The following ASNS variants were observed in gnomAD, a reference collection of about 807,000 sequenced individuals.
ASNS encodes asparagine synthetase (glutamine-hydrolyzing).
A neutral mutation model predicts 62.6 loss-of-function variants in ASNS; 37 were observed. That is an observed-to-expected ratio of 0.59 (90% CI 0.45 to 0.78). The LOEUF is 0.78. Ranked by LOEUF, ASNS falls within the 30% of genes least tolerant of loss-of-function variation. The pLI is 0.00. For synonymous variants in ASNS, 207 were observed against 237.9 expected, an observed-to-expected ratio of 0.87 and a Z score of 1.19; for missense variants, 520 against 682.4, an observed-to-expected ratio of 0.76 and a Z score of 2.65.
chr7:97,875,497 G>A (rs1489739967), upstream of ASNS, among the ~76,000 whole-genome samples: 1 of 152,206 alleles, frequency 6.6e-6, no homozygotes, highest in African/African-American at 2.4e-5. Context: ...GCATTGTGTG[G>A]TGGTCTGTTC....
At chr7:97,888,810 T>C in the ASNS span, among the ~76,000 whole-genome samples, 3 of 152,202 alleles carry the variant, frequency 2.0e-5, no homozygotes, top group Non-Finnish European at 2.9e-5. Flanking sequence ...TAGAAATGCA[T>C]AGGAATATGC....
chr7:97,883,805 T>G, the ASNS span, among the ~76,000 whole-genome samples: 49 of 149,798 alleles, frequency 3.3e-4, no homozygotes, highest in African/African-American at 7.7e-4. Context: ...CCCTAACACG[T>G]TGAAACCCCG....
the ASNS span, among the ~76,000 whole-genome samples, chr7:97,907,238 T>C: frequency 6.6e-6 from 1 of 152,350 alleles, no homozygotes; most frequent in South Asian, 2.1e-4. Context: ...TTAATAGAAT[T>C]GGTGTCTTCC....
At chr7:97,924,019 C>T in the ASNS span, among the ~76,000 whole-genome samples, 1 of 152,122 alleles carries the variant, frequency 6.6e-6, no homozygotes, top group Admixed American at 6.5e-5. Flanking sequence ...ATTGAGAAGA[C>T]ATTTCCCTAT....
intron 1 of ASNS, chr7:97,870,180 G>T: frequency 1.0e-6 from 1 of 954,712 alleles, no homozygotes; most frequent in Non-Finnish European, 1.4e-6. Flanking sequence ...TGTGGCATTT[G>T]GGCCCTGTTT....
upstream of ASNS, among the ~76,000 whole-genome samples, chr7:97,874,962 T>G (rs1308467573): frequency 2.0e-5 from 3 of 152,248 alleles, no homozygotes; most frequent in Non-Finnish European, 4.4e-5. Context: ...GTTGGCTTTG[T>G]TTGGGTTTGT....
In ASNS at chr7:97,869,214, C is replaced by A. The variant is rs150208798; in HGVS notation, c.-23-35G>T. 810 of 1,591,968 alleles carry A rather than the reference C, an allele frequency of 5.1e-4. 1 individual carries two copies. In the African/African-American group the frequency reaches 9.6e-3, roughly 19 times the overall value. On this transcript the variant is annotated intron_variant, in intron 2 of 12. Coordinates refer to ENST00000394308, the MANE Select transcript of ASNS (RefSeq NM_001673.5). ...GAAAAGCAGACAAATCAAAAATATT[C>A]AATATCCAATCCAACTCTGCATTAA...
chr7:97,883,220 A>T, the ASNS span, among the ~76,000 whole-genome samples: 1,100 of 152,068 alleles, frequency 7.2e-3, 11 homozygotes, highest in African/African-American at 0.025. Flanking sequence ...AGGGCAAAAA[A>T]AAAATTCATA....
At chr7:97,870,269 G>T in intron 1 of ASNS, 1 of 670,216 alleles carries the variant, frequency 1.5e-6, no homozygotes, top group Non-Finnish European at 2.5e-6. Context: ...ATTCCGTTTT[G>T]AGAATGTCAA....
At chr7:97,855,224 G>A in intron 9 of ASNS, 129 bp downstream of exon 9, 2 of 626,358 alleles carry the variant, frequency 3.2e-6, no homozygotes, top group South Asian at 4.8e-5. Flanking sequence ...AACACTATCA[G>A]ATTCCCTTTT....
the ASNS span, among the ~76,000 whole-genome samples, chr7:97,900,098 G>A: frequency 1.3e-5 from 2 of 152,150 alleles, no homozygotes; most frequent in African/African-American, 4.8e-5. Context: ...AGTGGCTCAA[G>A]CCTGTAATCC....
the ASNS span, among the ~76,000 whole-genome samples, chr7:97,926,691 G>C: frequency 1.3e-5 from 2 of 152,182 alleles, no homozygotes; most frequent in East Asian, 1.9e-4. Context: ...GCCGCGAAAA[G>C]AGCGTGCCAT....
rs113420991 is a variant in ASNS, at chr7:97,855,001, G to A, written c.1138-321C>T. ...TTTTTTTTTTTTTTTTTTAAGAGAC[G>A]GGGTCTTACTCTGTCAACCAGGCAG... On this transcript the variant is annotated intron_variant, in intron 9 of 12. Coordinates refer to ENST00000394308, the MANE Select transcript of ASNS (RefSeq NM_001673.5). The A allele has an allele frequency of 1.8e-3, 636 of 355,166 alleles. 4 individuals are homozygous for A. Among genetic ancestry groups the A allele is most frequent in the African/African-American group, 0.013 (580 of 45,520 alleles). 22.0% of individuals were successfully genotyped at this position (355,166 alleles called of 1,614,324 possible). A position where few individuals can be genotyped will look rare whatever the true frequency, so the allele number is the denominator to read the frequency against.
At chr7:97,889,916 G>A in the ASNS span, among the ~76,000 whole-genome samples, 1 of 13,964 alleles carries the variant, frequency 7.2e-5, no homozygotes. Context: ...AGAGAACACA[G>A]ATAATGAATA....
At chr7:97,885,227 T>C in the ASNS span, among the ~76,000 whole-genome samples, 1 of 152,284 alleles carries the variant, frequency 6.6e-6, no homozygotes, top group Non-Finnish European at 1.5e-5. Context: ...AGTACTTCAT[T>C]CCTTTTGATG....
the ASNS span, among the ~76,000 whole-genome samples, chr7:97,904,616 C>A: frequency 4.4e-3 from 669 of 152,172 alleles, 6 homozygotes; most frequent in African/African-American, 0.015. Flanking sequence ...ACCTCTGCCC[C>A]CAGCCTCTTG....
Position 97,854,661 on chromosome 7 carries a change from G to A in ASNS, c.1157C>T (p.Ala386Val). ...YFHKAPSPEK[A>V]EEESERLLRE... ...CAGAAGCCTCTCACTCTCCTCCTCG[G>A]CTTTTTCAGGAGAAGGAGCCTATTT... Residue 386 changes from alanine to valine, a missense_variant, in exon 10 of 13, where the codon GCC becomes GTC. Physicochemically the swap from Ala to Val is moderately conservative, Grantham distance 64. Transcript: ENST00000394308. 1 of 1,613,962 alleles carries A rather than the reference G, an allele frequency of 6.2e-7. No individual in the cohort carries two copies. Among genetic ancestry groups the A allele is most frequent in the Non-Finnish European group, 8.5e-7 (1 of 1,179,986 alleles).
chr7:97,874,656 C>T (rs1388964085), upstream of ASNS, among the ~76,000 whole-genome samples: 1 of 152,214 alleles, frequency 6.6e-6, no homozygotes, highest in African/African-American at 2.4e-5. Flanking sequence ...CTGGTCCCTC[C>T]GTTTGGGGTC....
intron 4 of ASNS, among the ~76,000 whole-genome samples, chr7:97,861,233 C>T (rs1222437719): frequency 4.6e-5 from 7 of 152,010 alleles, no homozygotes; most frequent in Non-Finnish European, 7.4e-5. Context: ...AGGATGGTCT[C>T]GATCTCCTGA....
Sources: allele counts gnomAD v4.1 joint callset (sites outside exome capture counted in the v4.1 genomes callset), GRCh38; gene constraint gnomAD v4.1.1; transcripts MANE v1.5; gene names NCBI Gene and HGNC (gene_info 2026-07-23, HGNC 2026-07-21).